TMEM117: variants seen among roughly 807,000 people sequenced by gnomAD.
TMEM117 encodes transmembrane protein 117.
In TMEM117, 27 loss-of-function variants were observed where a neutral mutation model predicts 52.4. The observed-to-expected ratio is 0.51, with a 90% CI of 0.38 to 0.71. TMEM117 has a LOEUF of 0.71. Among genes scored for constraint, TMEM117 ranks in the 30% least tolerant of loss-of-function variants. TMEM117 has a pLI of 0.00. For synonymous variants in TMEM117, 215 were observed against 206.3 expected (o/e 1.04, Z -0.36); for missense variants, 556 against 630.5 (o/e 0.88, Z 1.26).
At chr12:43,910,302 T>C (rs1239969088) in intron 2 of TMEM117, among the ~76,000 whole-genome samples, 1 of 150,242 alleles carries the variant, frequency 6.7e-6, no homozygotes, top group Non-Finnish European at 1.5e-5. Flanking sequence ...CAACCCTTCA[T>C]GCTAAAAACT....
At chr12:43,863,555 A>G (rs1000489824) in intron 2 of TMEM117, among the ~76,000 whole-genome samples, 1 of 152,206 alleles carries the variant, frequency 6.6e-6, no homozygotes, top group Non-Finnish European at 1.5e-5. Context: ...GGGCTGACAA[A>G]ACAGTTGGAA....
intron 3 of TMEM117, among the ~76,000 whole-genome samples, chr12:43,975,639 A>G (rs1186716188): frequency 1.3e-5 from 2 of 152,182 alleles, no homozygotes; most frequent in Non-Finnish European, 2.9e-5. Context: ...AAAAATGATA[A>G]TATCGTATCT....
chr12:44,103,318 G>A lies in TMEM117; in HGVS notation c.411-40207G>A, dbSNP rs1005196483. On this transcript the variant is annotated intron_variant, in intron 3 of 7. Transcript: ENST00000266534. ...TAAAGTTCCTTCATTACATGGTATT[G>A]TAATGAAGTCTGAGGGAAGAGGACA... 2.0e-5 allele frequency among the ~76,000 whole-genome samples: 3 copies of A among 150,292 alleles called. No homozygotes were observed. In the Admixed American group the frequency reaches 2.0e-4, roughly 10 times the overall value.
intron 5 of TMEM117, among the ~76,000 whole-genome samples, chr12:44,284,660 G>A (rs1414590067): frequency 2.0e-5 from 3 of 152,136 alleles, no homozygotes; most frequent in African/African-American, 7.2e-5. Context: ...TCAGCTTGGT[G>A]GATGATAAAG....
At chr12:43,859,454 A>C (rs1365291106) in intron 2 of TMEM117, among the ~76,000 whole-genome samples, 1 of 152,196 alleles carries the variant, frequency 6.6e-6, no homozygotes, top group South Asian at 2.1e-4. Context: ...GCCATGGAGC[A>C]TATCTCTCCC....
chr12:43,852,043 A>T (rs1253950573), intron 2 of TMEM117, among the ~76,000 whole-genome samples: 1 of 150,938 alleles, frequency 6.6e-6, no homozygotes, highest in Non-Finnish European at 1.5e-5. Context: ...TCACGTCTGT[A>T]ATCCCAGCAC....
intron 3 of TMEM117, among the ~76,000 whole-genome samples, chr12:44,021,963 C>T (rs1946462469): frequency 6.6e-6 from 1 of 152,140 alleles, no homozygotes; most frequent in Admixed American, 6.6e-5. Context: ...CTTGAACTTA[C>T]CACATATGTG....
intron 2 of TMEM117, among the ~76,000 whole-genome samples, chr12:43,853,797 T>C (rs1467640938): frequency 1.3e-5 from 2 of 152,144 alleles, no homozygotes; most frequent in African/African-American, 2.4e-5. Context: ...GAGAGGATCA[T>C]AGTGGGCCAG....
chr12:43,873,983 A>G (rs1406834166), intron 2 of TMEM117, among the ~76,000 whole-genome samples: 2 of 151,946 alleles, frequency 1.3e-5, no homozygotes, highest in African/African-American at 4.8e-5. Context: ...GCTTGCTTTT[A>G]ATCTGAGCTG....
At chr12:43,890,395 T>G (rs1944080738) in intron 2 of TMEM117, among the ~76,000 whole-genome samples, 1 of 152,214 alleles carries the variant, frequency 6.6e-6, no homozygotes, top group South Asian at 2.1e-4. Flanking sequence ...TTTTCTCTCT[T>G]CATTCAAATG....
chr12:44,164,103 A>G (rs1031843643), intron 4 of TMEM117, among the ~76,000 whole-genome samples: 13 of 152,174 alleles, frequency 8.5e-5, no homozygotes, highest in African/African-American at 1.2e-4. Context: ...TGAGAAGACT[A>G]TACCGTGGAA....
chr12:44,218,206 A>G (rs1304615998), intron 5 of TMEM117, among the ~76,000 whole-genome samples: 1 of 151,484 alleles, frequency 6.6e-6, no homozygotes, highest in African/African-American at 2.4e-5. Flanking sequence ...CCTGGGTGAC[A>G]GAGTAAGGCT....
intron 2 of TMEM117, among the ~76,000 whole-genome samples, chr12:43,923,860 A>G (rs912823785): frequency 6.6e-6 from 1 of 152,030 alleles, no homozygotes; most frequent in African/African-American, 2.4e-5. Context: ...AGAAAAATAA[A>G]TGTCAGTAAT....
chr12:43,993,332 C>T (rs569386212), intron 3 of TMEM117, among the ~76,000 whole-genome samples: 1 of 152,186 alleles, frequency 6.6e-6, no homozygotes, highest in Admixed American at 6.5e-5. Flanking sequence ...ACACCTGGCA[C>T]AGTGCCTGGC....
intron 3 of TMEM117, among the ~76,000 whole-genome samples, chr12:43,981,260 A>G (rs1945755662): frequency 6.6e-6 from 1 of 152,208 alleles, no homozygotes; most frequent in South Asian, 2.1e-4. Context: ...CCACTTGAAT[A>G]AAGGCTTTTC....
chr12:44,388,928 A>G lies in TMEM117; in HGVS notation c.*256A>G, dbSNP rs1952134682. The G allele has an allele frequency of 9.3e-6, 4 of 429,650 alleles. No individual in the cohort carries two copies. The highest frequency in any genetic ancestry group is 3.8e-5 in the Admixed American group (1 of 26,270). 26.6% of individuals were successfully genotyped at this position (429,650 alleles called of 1,614,324 possible). The stretch of plus-strand genomic sequence containing the variant: ...CACAAGCTATTACTGACTTTACAGC[A>G]TAGTGGAAGATTAGCTGATGACCCA... On this transcript the variant is annotated 3_prime_UTR_variant, in exon 8 of 8. Coordinates refer to ENST00000266534, the MANE Select transcript of TMEM117 (RefSeq NM_032256.3).
At chr12:44,233,874 TGTGA>T (rs1344345950) in intron 5 of TMEM117, among the ~76,000 whole-genome samples, 1 of 151,500 alleles carries the variant, frequency 6.6e-6, no homozygotes, top group African/African-American at 2.4e-5. Context: ...TTCAAGTTTT[TGTGA>T]TTATTAACAG....
intron 6 of TMEM117, among the ~76,000 whole-genome samples, chr12:44,370,547 C>T (rs1456015646): frequency 1.5e-5 from 2 of 131,478 alleles, no homozygotes; most frequent in African/African-American, 2.9e-5. Flanking sequence ...CTCACTGTGT[C>T]GCCCAGGCTG....
At chr12:43,841,638 A>C (rs1258488523) in intron 1 of TMEM117, among the ~76,000 whole-genome samples, 2 of 152,232 alleles carry the variant, frequency 1.3e-5, no homozygotes, top group Non-Finnish European at 2.9e-5. Context: ...AGTATGTGCT[A>C]GCCTCCAAAA....
Sources: gnomAD v4.1 joint callset for allele counts (sites outside exome capture counted in the v4.1 genomes callset) on GRCh38, gnomAD v4.1.1 for gene constraint, MANE v1.5 for transcripts, NCBI Gene and HGNC (gene_info 2026-07-23, HGNC 2026-07-21) for gene names.